The following ENTPD1 variants were observed in gnomAD, a reference collection of about 807,000 sequenced individuals.
The protein encoded by ENTPD1 is ectonucleoside triphosphate diphosphohydrolase 1.
Under a neutral mutation model 57.0 loss-of-function variants are expected in ENTPD1, and 33 were observed. The ratio of observed to expected loss-of-function variants is 0.58; its 90% CI spans 0.44 to 0.77. The LOEUF (loss-of-function observed/expected upper bound fraction) is 0.77, where lower values mean the gene tolerates loss of function less well. ENTPD1 is among the 30% of genes least tolerant of loss of function. The pLI, the probability that ENTPD1 is intolerant of heterozygous loss-of-function variation, is 0.00. For synonymous variants in ENTPD1, 202 were observed against 218.8 expected (o/e 0.92, Z 0.68); for missense variants, 501 against 603.4 (o/e 0.83, Z 1.78).
At chr10:95,780,512 T>C (rs886166930) in intron 1 of ENTPD1, among the ~76,000 whole-genome samples, 1 of 152,244 alleles carries the variant, frequency 6.6e-6, no homozygotes, top group African/African-American at 2.4e-5. Context: ...TTTTATAAAC[T>C]GTTTTGCTTT....
intron 1 of ENTPD1, among the ~76,000 whole-genome samples, chr10:95,806,447 A>G (rs2098272770): frequency 6.6e-6 from 1 of 152,194 alleles, no homozygotes; most frequent in Non-Finnish European, 1.5e-5. Flanking sequence ...CCTTTAGTTC[A>G]GAGAAGTTTG....
chr10:95,871,624 C>A lies in ENTPD1; in HGVS notation c.*5241C>A, dbSNP rs930399562. 1 of 985,368 alleles carries A rather than the reference C, an allele frequency of 1.0e-6. No homozygotes were observed. The highest frequency in any genetic ancestry group is 1.2e-6 in the Non-Finnish European group (1 of 829,894). The allele number at this position is 985,368 out of a possible 1,614,324, so 61.0% of individuals were successfully genotyped here. ...GCCTTCTCTTTAGAAAAGTGGCATT[C>A]AAGACTCTTCATTTGAAGTGAAGAT... On this transcript the variant is annotated 3_prime_UTR_variant, in exon 10 of 10. Transcript: ENST00000371205.
chr10:95,777,909 C>T (rs1409214010), intron 1 of ENTPD1, among the ~76,000 whole-genome samples: 2 of 152,210 alleles, frequency 1.3e-5, no homozygotes, highest in African/African-American at 4.8e-5. Flanking sequence ...GACTGCTGCA[C>T]TAGAAGTGAG....
At chr10:95,712,727 A>T (rs2097967009) in intron 1 of ENTPD1, among the ~76,000 whole-genome samples, 1 of 152,158 alleles carries the variant, frequency 6.6e-6, no homozygotes, top group Non-Finnish European at 1.5e-5. Flanking sequence ...CATATGCACA[A>T]ACACCAGCCT....
rs2098486106 is a variant in ENTPD1, at chr10:95,876,666, A to AGG, written c.*10283_*10284insGG. On this transcript the variant is annotated 3_prime_UTR_variant, in exon 10 of 10. Transcript: ENST00000371205. ...TGTCTTCTGGACAGGCCATTCTAATAACAGAAACAAACAAGTTATTTTAAA... is the reference window on the plus strand; with the variant it reads ...TGTCTTCTGGACAGGCCATTCTAATAGGACAGAAACAAACAAGTTATTTTAAA... 8.2e-7 allele frequency: 1 copy of AGG among 1,222,790 alleles called. No homozygotes were observed. The highest frequency in any genetic ancestry group is 4.3e-5 in the Admixed American group (1 of 23,520). 75.7% of individuals were successfully genotyped at this position (1,222,790 alleles called of 1,614,324 possible).
intron 1 of ENTPD1, among the ~76,000 whole-genome samples, chr10:95,759,243 A>C (rs1199167360): frequency 6.6e-6 from 1 of 152,212 alleles, no homozygotes; most frequent in African/African-American, 2.4e-5. Context: ...CAATCTGTAA[A>C]GACGTCCCTC....
Position 95,825,863 on chromosome 10 carries a change from C to G in ENTPD1, c.144+2499C>G, listed in dbSNP as rs548212713. Among the ~76,000 whole-genome samples, 3 of 152,308 alleles carry G rather than the reference C, an allele frequency of 2.0e-5. No individual in the cohort carries two copies. In the South Asian group the frequency reaches 6.2e-4, roughly 32 times the overall value. On this transcript the variant is annotated intron_variant, in intron 2 of 9. Coordinates refer to ENST00000371205, the MANE Select transcript of ENTPD1 (RefSeq NM_001776.6). ...AAAATGCTGGGATTACAGGCGTGAG[C>G]CACCGTGCCCGGCTGATACATGTGT...
chr10:95,844,444 A>G, intron 4 of ENTPD1, 32 bp from the exon 5 acceptor site: 1 of 1,613,768 alleles, frequency 6.2e-7, no homozygotes, highest in Non-Finnish European at 8.5e-7. Context: ...TATTAAAACA[A>G]AAATGATAAC....
chr10:95,864,767 A>G lies in ENTPD1; in HGVS notation c.1232A>G (p.Glu411Gly). 6.2e-7 allele frequency: 1 copy of G among 1,614,156 alleles called. No homozygotes were observed. The highest frequency in any genetic ancestry group is 2.2e-5 in the East Asian group (1 of 44,886). Residue 411 changes from glutamate (E) to glycine (G), a missense_variant, in exon 9 of 10, where the codon GAA (glutamate) becomes GGA (glycine). Glu to Gly is a moderately conservative substitution (Grantham distance 98). Transcript: ENST00000371205. ...GGAGTAAAGGAGAAGTACCTGAGTG[A>G]ATACTGCTTTTCTGGTACCTACATT... is the stretch of plus-strand genomic sequence containing the variant. Reference protein sequence around the residue: ...YAGVKEKYLSEYCFSGTYILS... With the variant: ...YAGVKEKYLSGYCFSGTYILS...
intron 1 of ENTPD1, among the ~76,000 whole-genome samples, chr10:95,763,756 C>T (rs893706537): frequency 7.2e-5 from 11 of 152,116 alleles, no homozygotes; most frequent in African/African-American, 2.2e-4. Flanking sequence ...GCAAAGAAAA[C>T]GAATACGGTA....
At chr10:95,761,412 G>A (rs1388277522) in intron 1 of ENTPD1, among the ~76,000 whole-genome samples, 2 of 152,148 alleles carry the variant, frequency 1.3e-5, no homozygotes, top group African/African-American at 4.8e-5. Flanking sequence ...CGATGATAAT[G>A]CTGCCCCTCC....
upstream of ENTPD1, among the ~76,000 whole-genome samples, chr10:95,709,890 G>GC (rs201235689): frequency 1.8e-3 from 262 of 149,374 alleles, no homozygotes; most frequent in African/African-American, 4.5e-3. Flanking sequence ...CTTAGCCCCG[G>GC]CCCCCCCCAC....
In ENTPD1 at chr10:95,842,364, G is replaced by C. The variant is rs2098424422; in HGVS notation, c.283G>C (p.Val95Leu). ...CCTAGGTCCTGGAATCTCAAAATTT[G>C]TTCAGAAAGTAAATGAAATAGGCAT... ...RVKGPGISKF[V>L]QKVNEIGIYL... Residue 95 changes from valine (V) to leucine (L), a missense_variant, in exon 4 of 10, where the codon GTT becomes CTT. By Grantham distance (32) the Val-to-Leu change is conservative. Coordinates refer to ENST00000371205, the MANE Select transcript of ENTPD1 (RefSeq NM_001776.6). 6.2e-7 allele frequency: 1 copy of C among 1,613,784 alleles called. No individual in the cohort carries two copies. Among genetic ancestry groups the C allele is most frequent in the Non-Finnish European group, 8.5e-7 (1 of 1,179,880 alleles).
Position 95,870,523 on chromosome 10 carries a change from C to T in ENTPD1, c.*4140C>T, listed in dbSNP as rs867921608. On this transcript the variant is annotated 3_prime_UTR_variant, in exon 10 of 10. Transcript: ENST00000371205. ...CGAACTCCTGCCCTCAAGCAATCCT[C>T]CTGCCTTGGCCTCCCAAAGTGTTGA... is the stretch of plus-strand genomic sequence containing the variant. 2 of 973,716 alleles carry T rather than the reference C, an allele frequency of 2.1e-6. No homozygotes were observed. Among genetic ancestry groups the T allele is most frequent in the Non-Finnish European group, 2.4e-6 (2 of 819,328 alleles). The allele number at this position is 973,716 out of a possible 1,614,324, so 60.3% of individuals were successfully genotyped here. A position where few individuals can be genotyped will look rare whatever the true frequency, so the allele number is the denominator to read the frequency against.
chr10:95,824,749 T>C (rs1273306640), intron 2 of ENTPD1, among the ~76,000 whole-genome samples: 1 of 152,198 alleles, frequency 6.6e-6, no homozygotes. Flanking sequence ...ATATGTGTGG[T>C]CATGGACGAC....
At chr10:95,851,050 C>T (rs186125751) in intron 7 of ENTPD1, among the ~76,000 whole-genome samples, 4 of 152,226 alleles carry the variant, frequency 2.6e-5, no homozygotes, top group African/African-American at 7.2e-5. Context: ...AAATTAGAAA[C>T]ACTAACAAGA....
At chr10:95,774,214 T>A (rs1039148526) in intron 1 of ENTPD1, among the ~76,000 whole-genome samples, 4 of 152,252 alleles carry the variant, frequency 2.6e-5, no homozygotes, top group Admixed American at 6.5e-5. Context: ...AAGTTCTTTG[T>A]AGATTCTGGA....
At chr10:95,732,883 A>G (rs1221263369) in intron 1 of ENTPD1, among the ~76,000 whole-genome samples, 1 of 152,232 alleles carries the variant, frequency 6.6e-6, no homozygotes, top group African/African-American at 2.4e-5. Context: ...AGGTAATAAA[A>G]TATTACAAGG....
Position 95,867,687 on chromosome 10 carries a change from G to T in ENTPD1, c.*1304G>T, listed in dbSNP as rs1228725553. ...GAGACCCTGCACCCCTTTCCTTAAG[G>T]ATTGCTGCAAGAGTTACCTGTTGAG... On this transcript the variant is annotated 3_prime_UTR_variant, in exon 10 of 10. Coordinates refer to ENST00000371205, the MANE Select transcript of ENTPD1 (RefSeq NM_001776.6). 1.0e-6 allele frequency: 1 copy of T among 985,302 alleles called. No individual in the cohort carries two copies. The highest frequency in any genetic ancestry group is 1.2e-6 in the Non-Finnish European group (1 of 829,960). The allele number at this position is 985,302 out of a possible 1,614,324, so 61.0% of individuals were successfully genotyped here. A position where few individuals can be genotyped will look rare whatever the true frequency, so the allele number is the denominator to read the frequency against.
Sources: allele counts gnomAD v4.1 joint callset (sites outside exome capture counted in the v4.1 genomes callset), GRCh38; gene constraint gnomAD v4.1.1; transcripts MANE v1.5; gene names NCBI Gene and HGNC (gene_info 2026-07-23, HGNC 2026-07-21).